ANKDD1B: variants seen among roughly 807,000 people sequenced by gnomAD.
ANKDD1B encodes the protein ankyrin repeat and death domain containing 1B.
In ANKDD1B, 57 loss-of-function variants were observed where a neutral mutation model predicts 59.7. The ratio of observed to expected loss-of-function variants is 0.95; its 90% confidence interval spans 0.77 to 1.19. The LOEUF (loss-of-function observed/expected upper bound fraction) is 1.19. Among genes scored for constraint, ANKDD1B ranks in the 50% most tolerant of loss-of-function variants. The pLI is 0.00. For synonymous variants in ANKDD1B, 216 were observed against 239.5 expected (o/e 0.90, Z 0.91); for missense variants, 602 against 641.9 (o/e 0.94, Z 0.67).
At position 75,648,119 on chromosome 5, in the gene ANKDD1B, G is replaced by T. The variant is rs1393694957; in HGVS notation, c.799-5023G>T. On this transcript the variant is annotated intron_variant, in intron 7 of 13. Coordinates refer to ENST00000601380, the MANE Select transcript of ANKDD1B (RefSeq NM_001276713.2). ...GACTGTGGTGGGGTGGGGGGAGGGG[G>T]GAGGGATAGCATTGGGAGATATACC... Among the ~76,000 whole-genome samples, 22 of 76,602 alleles carry T rather than the reference G, an allele frequency of 2.9e-4. No individual in the cohort carries two copies. In the South Asian group the frequency reaches 5.2e-3, roughly 18 times the overall value. 50.3% of individuals were successfully genotyped at this position (76,602 alleles called of 152,430 possible). A position where few individuals can be genotyped will look rare whatever the true frequency, so the allele number is the denominator to read the frequency against.
At chr5:75,613,584 T>A (rs1466810038) in intron 1 of ANKDD1B, among the ~76,000 whole-genome samples, 1 of 152,176 alleles carries the variant, frequency 6.6e-6, no homozygotes, top group African/African-American at 2.4e-5. Context: ...CGGTATTAAC[T>A]GAGAATTAGG....
intron 7 of ANKDD1B, among the ~76,000 whole-genome samples, chr5:75,648,267 TA>T (rs57389631): frequency 0.28 from 24,713 of 87,272 alleles, 2,544 homozygotes; most frequent in South Asian, 0.37. Flanking sequence ...AAAAAAAAAT[TA>T]AAAAAAAAAA....
intron 5 of ANKDD1B, 66 bp from the exon 6 acceptor site, chr5:75,634,832 T>C (rs971644064): frequency 1.7e-5 from 18 of 1,031,894 alleles, no homozygotes; most frequent in African/African-American, 3.2e-5. Context: ...GTCGCTAGCT[T>C]TGTCCATTGT....
At position 75,670,416 on chromosome 5, in the gene ANKDD1B, G is replaced by A. The variant is rs1464805044; in HGVS notation, c.1526-563G>A. On this transcript the variant is annotated intron_variant, in intron 13 of 13. Transcript: ENST00000601380. The stretch of plus-strand genomic sequence containing the variant: ...CATTCCTATATGTGATGTTAACATC[G>A]TTCTCAAACAATTGTTGGCCAAAGA... 2.6e-5 allele frequency among the ~76,000 whole-genome samples: 4 copies of A among 152,210 alleles called. No individual in the cohort carries two copies. In the East Asian group the frequency reaches 5.8e-4, roughly 22 times the overall value.
At position 75,653,207 on chromosome 5, in the gene ANKDD1B, C is replaced by T. The variant is rs1774875363; in HGVS notation, c.864C>T (p.Leu288=). Reference sequence around the variant, plus strand: ...ATGCATCCCTTGTCAACTTTCTTCTCAGTGAGAACGTTGATCTGCACCAGA... The same window carrying T: ...ATGCATCCCTTGTCAACTTTCTTCTTAGTGAGAACGTTGATCTGCACCAGA... The part of the protein sequence containing the change: ...NGHASLVNFL[L]SENVDLHQKV... Residue 288 remains leucine (L), a synonymous_variant, in exon 8 of 14, where the codon CTC becomes CTT. Coordinates refer to ENST00000601380, the MANE Select transcript of ANKDD1B (RefSeq NM_001276713.2). 3.9e-6 allele frequency: 6 copies of T among 1,535,960 alleles called. No homozygotes were observed. The highest frequency in any genetic ancestry group is 4.4e-6 in the Non-Finnish European group (5 of 1,146,856).
At chr5:75,633,472 C>A (rs1311040372) in intron 5 of ANKDD1B, among the ~76,000 whole-genome samples, 1 of 151,920 alleles carries the variant, frequency 6.6e-6, no homozygotes, top group Admixed American at 6.6e-5. Context: ...ATGTTGTTAT[C>A]TCAGGTTAAC....
chr5:75,614,566 G>GTAAC (rs1773665984), intron 1 of ANKDD1B, among the ~76,000 whole-genome samples: 1 of 152,170 alleles, frequency 6.6e-6, no homozygotes, highest in Non-Finnish European at 1.5e-5. Context: ...CCACCATCTT[G>GTAAC]TAACCCCTTC....
In ANKDD1B at chr5:75,644,162, A is replaced by G. The variant is rs1430261209; in HGVS notation, c.798+8280A>G. Among the ~76,000 whole-genome samples the G allele has an allele frequency of 4.9e-4, 47 of 96,464 alleles. 4 individuals are homozygous for G. Among genetic ancestry groups the G allele is most frequent in the African/African-American group, 4.0e-3 (47 of 11,866 alleles). The allele number at this position is 96,464 out of a possible 152,430, so 63.3% of individuals were successfully genotyped here. A position where few individuals can be genotyped will look rare whatever the true frequency, so the allele number is the denominator to read the frequency against. On this transcript the variant is annotated intron_variant, in intron 7 of 13. Coordinates refer to ENST00000601380, the MANE Select transcript of ANKDD1B (RefSeq NM_001276713.2). The stretch of plus-strand genomic sequence containing the variant: ...AAAATCATGCCAAAATGTAAAGACC[A>G]TCGAGACTAGGAAGAAACTGCATCA...
At chr5:75,656,591 CAGT>C (rs1401171090) in intron 9 of ANKDD1B, among the ~76,000 whole-genome samples, 1 of 152,234 alleles carries the variant, frequency 6.6e-6, no homozygotes, top group Admixed American at 6.5e-5. Context: ...ACTCCAATTT[CAGT>C]CAACTGGAGC....
At chr5:75,669,170 A>G (rs1775399485) in intron 12 of ANKDD1B, 82 bp from the exon 13 acceptor site, 1 of 1,207,970 alleles carries the variant, frequency 8.3e-7, no homozygotes, top group Non-Finnish European at 1.0e-6. Context: ...GTCATTCAGA[A>G]AGTTTAGTTG....
At chr5:75,632,842 G>A (rs1192727107) in intron 5 of ANKDD1B, among the ~76,000 whole-genome samples, 1 of 152,124 alleles carries the variant, frequency 6.6e-6, no homozygotes, top group African/African-American at 2.4e-5. Context: ...CTCTGAGCTT[G>A]AGGATGGGCA....
At chr5:75,619,324 T>C (rs1773789206) in intron 2 of ANKDD1B, among the ~76,000 whole-genome samples, 1 of 152,236 alleles carries the variant, frequency 6.6e-6, no homozygotes, top group Admixed American at 6.5e-5. Flanking sequence ...CAGCTTGTTG[T>C]TGAACTTTGT....
intron 9 of ANKDD1B, among the ~76,000 whole-genome samples, chr5:75,657,054 T>G (rs1774997273): frequency 6.6e-6 from 1 of 152,228 alleles, no homozygotes; most frequent in South Asian, 2.1e-4. Flanking sequence ...ATCCCAAAAG[T>G]TTTTCTGGGG....
chr5:75,650,905 T>C (rs1204384864), intron 7 of ANKDD1B, among the ~76,000 whole-genome samples: 2 of 152,208 alleles, frequency 1.3e-5, no homozygotes, highest in Non-Finnish European at 2.9e-5. Context: ...AAGGCTTACC[T>C]GAGCCCAATA....
chr5:75,668,471 A>C (rs1775372942), intron 12 of ANKDD1B, among the ~76,000 whole-genome samples: 1 of 152,184 alleles, frequency 6.6e-6, no homozygotes, highest in Admixed American at 6.5e-5. Flanking sequence ...ACATTCTGTA[A>C]GTATGCAGTT....
chr5:75,634,126 G>A (rs986919740), intron 5 of ANKDD1B, among the ~76,000 whole-genome samples: 2 of 152,128 alleles, frequency 1.3e-5, no homozygotes, highest in Non-Finnish European at 2.9e-5. Context: ...TTCTGTTATA[G>A]CAACACAAAG....
intron 7 of ANKDD1B, among the ~76,000 whole-genome samples, chr5:75,638,571 T>C (rs1001303185): frequency 3.9e-5 from 6 of 152,210 alleles, no homozygotes; most frequent in African/African-American, 1.2e-4. Flanking sequence ...ATAAAGCATA[T>C]GCTAGAAATA....
At chr5:75,620,238 G>T in intron 2 of ANKDD1B, 77 bp from the exon 3 acceptor site, 1 of 656,542 alleles carries the variant, frequency 1.5e-6, no homozygotes, top group East Asian at 2.8e-5. Context: ...AGAAAAGTGT[G>T]GCCATTCAAG....
chr5:75,648,280 A>T (rs7723863), intron 7 of ANKDD1B, among the ~76,000 whole-genome samples: 2,250 of 139,572 alleles, frequency 0.016, 79 homozygotes, highest in African/African-American at 0.058. Context: ...AAAAAAAAAA[A>T]AAAGAATTCA....
Sources: allele counts gnomAD v4.1 joint callset (sites outside exome capture counted in the v4.1 genomes callset), GRCh38; gene constraint gnomAD v4.1.1; transcripts MANE v1.5; gene names NCBI Gene and HGNC (gene_info 2026-07-23, HGNC 2026-07-21).